Variants in SPIRE1 observed in about 807,000 individuals in gnomAD.
SPIRE1 encodes the protein protein spire homolog 1.
A neutral mutation model predicts 94.1 loss-of-function variants in SPIRE1; 40 were observed. The ratio of observed to expected loss-of-function variants is 0.43; its 90% confidence interval spans 0.33 to 0.55. SPIRE1 has a LOEUF of 0.55. Among genes scored for constraint, SPIRE1 ranks in the 20% least tolerant of loss-of-function variants. The pLI is 0.06. For synonymous variants in SPIRE1, 376 were observed against 371.7 expected, an observed-to-expected ratio of 1.01 and a Z score of -0.13; for missense variants, 838 against 975.2, an observed-to-expected ratio of 0.86 and a Z score of 1.87.
At chr18:12,535,098 G>A (rs2034796653) in intron 4 of SPIRE1, among the ~76,000 whole-genome samples, 1 of 152,222 alleles carries the variant, frequency 6.6e-6, no homozygotes, top group African/African-American at 2.4e-5. Context: ...CCTCTTTTCT[G>A]AGCCTTTATC....
chr18:12,462,133 C>G (rs1356345895), intron 12 of SPIRE1, among the ~76,000 whole-genome samples: 2 of 152,104 alleles, frequency 1.3e-5, no homozygotes, highest in African/African-American at 2.4e-5. Flanking sequence ...TAGAAGAATC[C>G]TATCAGGAAT....
intron 1 of SPIRE1, among the ~76,000 whole-genome samples, chr18:12,637,802 C>A (rs1235241460): frequency 1.3e-5 from 2 of 152,048 alleles, no homozygotes; most frequent in Non-Finnish European, 2.9e-5. Flanking sequence ...TCTTTTTGTA[C>A]CAGAAAACAA....
At chr18:12,658,157 C>T (rs2038615414), upstream of SPIRE1, 2 of 953,022 alleles carry the variant, frequency 2.1e-6, no homozygotes, top group Non-Finnish European at 2.6e-6. Context: ...CGCCGCCCAG[C>T]GCCCGCCCCT....
At chr18:12,458,759 G>T (rs1366428865) in intron 12 of SPIRE1, among the ~76,000 whole-genome samples, 4 of 152,178 alleles carry the variant, frequency 2.6e-5, no homozygotes, top group Non-Finnish European at 5.9e-5. Flanking sequence ...AGGAGTGACA[G>T]GAGTTAAAAA....
chr18:12,549,760 T>C (rs1249765295), intron 2 of SPIRE1, among the ~76,000 whole-genome samples: 1 of 151,984 alleles, frequency 6.6e-6, no homozygotes, highest in Non-Finnish European at 1.5e-5. Flanking sequence ...ACCCTATCCT[T>C]CTTCCTAGGG....
At position 12,650,188 on chromosome 18, in the gene SPIRE1, G is replaced by A. The variant is rs901893469; in HGVS notation, c.337+7342C>T. On this transcript the variant is annotated intron_variant, in intron 1 of 16. Coordinates refer to ENST00000409402, the MANE Select transcript of SPIRE1 (RefSeq NM_001128626.2). ...TGGGAGGCGAAGGTTGCAGTGACCC[G>A]AGCTCGTGCCACTGCACTCCAGCCT... is the stretch of plus-strand genomic sequence containing the variant. Among the ~76,000 whole-genome samples, 9 of 151,596 alleles carry A rather than the reference G, an allele frequency of 5.9e-5. No homozygotes were observed. In the South Asian group the frequency reaches 8.4e-4, roughly 14 times the overall value.
At chr18:12,545,169 T>C (rs1280604099) in intron 3 of SPIRE1, among the ~76,000 whole-genome samples, 1 of 152,230 alleles carries the variant, frequency 6.6e-6, no homozygotes, top group Admixed American at 6.5e-5. Flanking sequence ...TACATGTTTT[T>C]AAAAAATAAA....
At chr18:12,554,801 C>A (rs2035452637) in intron 2 of SPIRE1, among the ~76,000 whole-genome samples, 1 of 152,150 alleles carries the variant, frequency 6.6e-6, no homozygotes, top group African/African-American at 2.4e-5. Context: ...TAAAACCAAC[C>A]AAGTTGTTGC....
At chr18:12,642,773 G>C (rs1351424813) in intron 1 of SPIRE1, among the ~76,000 whole-genome samples, 1 of 152,174 alleles carries the variant, frequency 6.6e-6, no homozygotes, top group Non-Finnish European at 1.5e-5. Context: ...AGGGATGGCA[G>C]GGGAAAGGGG....
chr18:12,594,107 G>T (rs537059758), intron 2 of SPIRE1, among the ~76,000 whole-genome samples: 42 of 152,280 alleles, frequency 2.8e-4, no homozygotes, highest in African/African-American at 9.1e-4. Flanking sequence ...ATAAGCCCAG[G>T]TTTTAACAAA....
At chr18:12,533,932 T>TTTAC (rs1555620782) in intron 4 of SPIRE1, among the ~76,000 whole-genome samples, 1 of 144,420 alleles carries the variant, frequency 6.9e-6, no homozygotes, top group African/African-American at 2.6e-5. Flanking sequence ...GCTAATCCAT[T>TTTAC]ACACACACAC....
At chr18:12,620,798 T>C (rs1305554052) in intron 2 of SPIRE1, among the ~76,000 whole-genome samples, 1 of 152,180 alleles carries the variant, frequency 6.6e-6, no homozygotes, top group East Asian at 1.9e-4. Flanking sequence ...AAAAAATAAA[T>C]ACACTGGACT....
At chr18:12,529,034 T>C (rs2034605793) in intron 4 of SPIRE1, among the ~76,000 whole-genome samples, 1 of 152,050 alleles carries the variant, frequency 6.6e-6, no homozygotes, top group South Asian at 2.1e-4. Context: ...CTACAGACCA[T>C]GATGGCTGCT....
At chr18:12,548,906 C>T (rs897156632) in intron 2 of SPIRE1, among the ~76,000 whole-genome samples, 16 of 152,158 alleles carry the variant, frequency 1.1e-4, no homozygotes, top group African/African-American at 2.7e-4. Context: ...TGAGCCACCA[C>T]GCACTATTTT....
Position 12,449,653 on chromosome 18 carries a change from C to T in SPIRE1, c.2256G>A (p.Thr752=), listed in dbSNP as rs371469566. The change falls in exon 17 of 17, where the codon ACG becomes ACA. Residue 752 remains threonine (T), a synonymous_variant. Coordinates refer to ENST00000409402, the MANE Select transcript of SPIRE1 (RefSeq NM_001128626.2). ...GGCACGAGGCTCAGATCTCACTGATCGTCCTCTCTGAAGGGCAGTACTCCG... is the reference window on the plus strand; with the variant it reads ...GGCACGAGGCTCAGATCTCACTGATTGTCCTCTCTGAAGGGCAGTACTCCG... ...GPSEYCPSER[T]ISEI 45 of 1,613,890 alleles carry T rather than the reference C, an allele frequency of 2.8e-5. No individual in the cohort carries two copies. The highest frequency in any genetic ancestry group is 1.1e-4 in the African/African-American group (8 of 74,914).
At chr18:12,618,065 C>T (rs2037361290) in intron 2 of SPIRE1, among the ~76,000 whole-genome samples, 1 of 152,028 alleles carries the variant, frequency 6.6e-6, no homozygotes, top group Admixed American at 6.6e-5. Flanking sequence ...AGAATTTCCC[C>T]CTAGATAACA....
At chr18:12,546,608 GGA>G (rs1491396251) in intron 3 of SPIRE1, 64 bp downstream of exon 3, 37 of 1,204,848 alleles carry the variant, frequency 3.1e-5, no homozygotes, top group East Asian at 2.2e-4. Context: ...CTCCAGGGGG[GGA>G]AAAAAAAGAA....
At chr18:12,486,339 G>A (rs890669869) in intron 8 of SPIRE1, among the ~76,000 whole-genome samples, 1 of 152,172 alleles carries the variant, frequency 6.6e-6, no homozygotes, top group Non-Finnish European at 1.5e-5. Context: ...AAAAAGCCAT[G>A]TTTTAAAACA....
At chr18:12,627,558 C>T (rs552692314) in intron 2 of SPIRE1, among the ~76,000 whole-genome samples, 1 of 152,294 alleles carries the variant, frequency 6.6e-6, no homozygotes, top group South Asian at 2.1e-4. Flanking sequence ...GATTTATAAT[C>T]CTTTAGGTAT....
Sources: allele counts gnomAD v4.1 joint callset (sites outside exome capture counted in the v4.1 genomes callset), GRCh38; gene constraint gnomAD v4.1.1; transcripts MANE v1.5; gene names NCBI Gene and HGNC (gene_info 2026-07-23, HGNC 2026-07-21).